Variants in CADM2 observed in about 807,000 individuals in gnomAD.
CADM2 encodes cell adhesion molecule 2, also known as immunoglobulin superfamily member 4D.
In CADM2, 12 loss-of-function variants were observed where a neutral mutation model predicts 49.8. That is an observed-to-expected ratio of 0.24 (90% confidence interval 0.15 to 0.39). The LOEUF (loss-of-function observed/expected upper bound fraction) is 0.39, where lower values mean the gene tolerates loss of function less well. CADM2 is among the 10% of genes least tolerant of loss of function. The probability of loss-of-function intolerance (pLI) is 1.00; values close to 1 mark genes in which losing one functional copy is unlikely to be tolerated. For synonymous variants in CADM2, 214 were observed against 175.4 expected, an observed-to-expected ratio of 1.22 and a Z score of -1.74; for missense variants, 378 against 492.3, an observed-to-expected ratio of 0.77 and a Z score of 2.20.
intron 1 of CADM2, among the ~76,000 whole-genome samples, chr3:85,207,296 A>C (rs922926011): frequency 1.4e-4 from 21 of 152,178 alleles, no homozygotes; most frequent in Non-Finnish European, 2.1e-4. Context: ...AAAACGGATA[A>C]ATGAAAGTTT....
At chr3:85,277,621 C>T (rs975410678) in intron 1 of CADM2, among the ~76,000 whole-genome samples, 5 of 151,348 alleles carry the variant, frequency 3.3e-5, no homozygotes, top group African/African-American at 1.2e-4. Context: ...AATTTTTTAA[C>T]TTCTTGTATT....
At chr3:85,216,708 C>G (rs889832220) in intron 1 of CADM2, among the ~76,000 whole-genome samples, 1 of 151,918 alleles carries the variant, frequency 6.6e-6, no homozygotes, top group Admixed American at 6.6e-5. Flanking sequence ...TGTACTCTTC[C>G]AAAAAGATTG....
intron 1 of CADM2, among the ~76,000 whole-genome samples, chr3:85,715,776 T>C (rs1164034624): frequency 6.6e-6 from 1 of 152,140 alleles, no homozygotes. Context: ...AGTTCCTGTG[T>C]TAGTTTCCTG....
At chr3:85,128,103 A>C (rs1559677992) in intron 1 of CADM2, among the ~76,000 whole-genome samples, 1 of 152,154 alleles carries the variant, frequency 6.6e-6, no homozygotes, top group Non-Finnish European at 1.5e-5. Flanking sequence ...AATGGTGCTT[A>C]TATATGTTTT....
chr3:86,016,223 C>G, intron 8 of CADM2, among the ~76,000 whole-genome samples: 1 of 151,856 alleles, frequency 6.6e-6, no homozygotes, highest in East Asian at 1.9e-4. Context: ...AACAAGTAAA[C>G]AGAGGGAAAT....
chr3:85,279,743 A>G (rs1039585739), intron 1 of CADM2, among the ~76,000 whole-genome samples: 1 of 151,512 alleles, frequency 6.6e-6, no homozygotes, highest in Admixed American at 6.6e-5. Flanking sequence ...AATATTTGGT[A>G]TTCTCACCAA....
At chr3:85,678,224 A>T (rs1485927547) in intron 1 of CADM2, among the ~76,000 whole-genome samples, 3 of 152,162 alleles carry the variant, frequency 2.0e-5, no homozygotes, top group Non-Finnish European at 4.4e-5. Flanking sequence ...ATTGAAACGG[A>T]TGTTCCAGGG....
chr3:85,191,945 TTGTG>T (rs3085115), intron 1 of CADM2, among the ~76,000 whole-genome samples: 11 of 148,938 alleles, frequency 7.4e-5, no homozygotes, highest in South Asian at 2.1e-4. Context: ...GATGAAACAG[TTGTG>T]TGTGTGTGTG....
At chr3:85,190,889 T>C (rs2041192283) in intron 1 of CADM2, among the ~76,000 whole-genome samples, 1 of 152,168 alleles carries the variant, frequency 6.6e-6, no homozygotes, top group South Asian at 2.1e-4. Flanking sequence ...AGACAATTAA[T>C]TAGTGAAGTA....
intron 1 of CADM2, among the ~76,000 whole-genome samples, chr3:85,077,236 G>A (rs2036979652): frequency 6.6e-6 from 1 of 152,040 alleles, no homozygotes; most frequent in Non-Finnish European, 1.5e-5. Flanking sequence ...ACTAGTTGAG[G>A]TTTGTTTGCA....
At chr3:85,121,332 T>C (rs1039958029) in intron 1 of CADM2, among the ~76,000 whole-genome samples, 4 of 152,174 alleles carry the variant, frequency 2.6e-5, no homozygotes, top group African/African-American at 7.2e-5. Context: ...GAGTATTTAC[T>C]TGCTGTCTGT....
chr3:85,551,877 T>C (rs1284265816), intron 1 of CADM2, among the ~76,000 whole-genome samples: 53 of 152,200 alleles, frequency 3.5e-4, no homozygotes. Flanking sequence ...ATAATTCAAT[T>C]TTGTCCTGTT....
intron 5 of CADM2, among the ~76,000 whole-genome samples, chr3:85,905,896 G>A (rs1716737275): frequency 6.6e-6 from 1 of 152,074 alleles, no homozygotes; most frequent in African/African-American, 2.4e-5. Context: ...TCATCACAAT[G>A]TTTTACTGAT....
chr3:85,710,007 G>A (rs1236211808), intron 1 of CADM2, among the ~76,000 whole-genome samples: 2 of 152,066 alleles, frequency 1.3e-5, no homozygotes, highest in African/African-American at 4.8e-5. Flanking sequence ...GAGTACTCTA[G>A]CAAATTAATC....
intron 1 of CADM2, among the ~76,000 whole-genome samples, chr3:85,108,567 T>C (rs1000455842): frequency 4.6e-5 from 7 of 152,206 alleles, no homozygotes; most frequent in Non-Finnish European, 8.8e-5. Flanking sequence ...TGAGATGACA[T>C]AGGAGTTCTG....
At chr3:85,770,185 T>C (rs970889856) in intron 2 of CADM2, among the ~76,000 whole-genome samples, 13 of 152,110 alleles carry the variant, frequency 8.5e-5, no homozygotes, top group African/African-American at 2.9e-4. Flanking sequence ...ATTATAGTCA[T>C]CGATGTCATT....
intron 1 of CADM2, among the ~76,000 whole-genome samples, chr3:85,359,536 T>C (rs1030690660): frequency 6.7e-6 from 1 of 148,656 alleles, no homozygotes; most frequent in Non-Finnish European, 1.5e-5. Flanking sequence ...TATAACAGGA[T>C]CTAAGGCAAC....
chr3:85,546,284 G>A lies in CADM2; in HGVS notation c.62-180238G>A, dbSNP rs369898806. On this transcript the variant is annotated intron_variant, in intron 1 of 9. Coordinates refer to ENST00000383699, the MANE Select transcript of CADM2 (RefSeq NM_001167675.2). ...TTTTTAAGGCAATTAATCACCTGCG[G>A]TGATACTAAGGTTTGCTTGGAATTT... Among the ~76,000 whole-genome samples, 30 of 152,244 alleles carry A rather than the reference G, an allele frequency of 2.0e-4. 1 individual carries two copies. The East Asian group carries it at 2.9e-3, about 15-fold the overall frequency.
At chr3:85,338,137 TAGA>T (rs1041080378) in intron 1 of CADM2, among the ~76,000 whole-genome samples, 6 of 151,608 alleles carry the variant, frequency 4.0e-5, no homozygotes, top group Admixed American at 1.3e-4. Context: ...TTGAGTATAG[TAGA>T]AGAGTGACTT....
Sources: gnomAD v4.1 joint callset for allele counts (sites outside exome capture counted in the v4.1 genomes callset) on GRCh38, gnomAD v4.1.1 for gene constraint, MANE v1.5 for transcripts, NCBI Gene and HGNC (gene_info 2026-07-23, HGNC 2026-07-21) for gene names.